Variants in AUH observed in about 807,000 individuals in gnomAD.
AUH encodes AU RNA binding methylglutaconyl-CoA hydratase.
AUH carries 29 observed loss-of-function variants against 42.3 expected under a neutral mutation model. The observed-to-expected ratio is 0.69, with a 90% CI of 0.51 to 0.93. The LOEUF is 0.93. AUH is among the 40% of genes least tolerant of loss of function. The pLI, the probability that AUH is intolerant of heterozygous loss-of-function variation, is 0.00. For missense variants in AUH, 452 were observed against 438.1 expected, an observed-to-expected ratio of 1.03 and a Z score of -0.28; for synonymous variants, 174 against 166.4, an observed-to-expected ratio of 1.05 and a Z score of -0.35.
rs187298084 is a variant in AUH at position 91,333,312 on chromosome 9, G to A, written c.419-7908C>T. ...TTTTCCTGATATAACTGGTATTTGT[G>A]CTTTAAAATATTTTATTTGTCATTC... On this transcript the variant is annotated intron_variant, in intron 3 of 9. Transcript: ENST00000375731. 1.6e-4 allele frequency among the ~76,000 whole-genome samples: 24 copies of A among 151,444 alleles called. No individual in the cohort carries two copies. The East Asian group carries it at 3.5e-3, about 22-fold the overall frequency.
At chr9:91,246,423 G>A (rs1257553759) in intron 6 of AUH, among the ~76,000 whole-genome samples, 1 of 152,152 alleles carries the variant, frequency 6.6e-6, no homozygotes, top group Non-Finnish European at 1.5e-5. Context: ...TAAAGACACC[G>A]TCTTTTATTT....
At chr9:91,243,816 T>C (rs975498219) in intron 6 of AUH, among the ~76,000 whole-genome samples, 18 of 152,180 alleles carry the variant, frequency 1.2e-4, no homozygotes, top group African/African-American at 4.1e-4. Flanking sequence ...AGCAGGATAT[T>C]TGACTATAAC....
intron 4 of AUH, among the ~76,000 whole-genome samples, chr9:91,303,925 G>A (rs1828015527): frequency 6.6e-6 from 1 of 152,166 alleles, no homozygotes; most frequent in African/African-American, 2.4e-5. Flanking sequence ...CCTGCAGGCT[G>A]GCTGGGCTGT....
intron 4 of AUH, among the ~76,000 whole-genome samples, chr9:91,322,052 C>A (rs75683311): frequency 6.6e-6 from 1 of 152,208 alleles, no homozygotes; most frequent in East Asian, 1.9e-4. Flanking sequence ...TTCAAAATGT[C>A]TGGAATCATC....
At chr9:91,255,122 A>G (rs1829340469) in intron 6 of AUH, among the ~76,000 whole-genome samples, 1 of 152,248 alleles carries the variant, frequency 6.6e-6, no homozygotes, top group Non-Finnish European at 1.5e-5. Context: ...GGAATTGTAG[A>G]CTTCTAATAA....
chr9:91,253,304 T>G (rs1466161865), intron 6 of AUH, among the ~76,000 whole-genome samples: 2 of 152,224 alleles, frequency 1.3e-5, no homozygotes, highest in Non-Finnish European at 2.9e-5. Context: ...CTCTGGAAAT[T>G]TATCAGATAC....
chr9:91,222,925 C>T (rs982977288), intron 6 of AUH, among the ~76,000 whole-genome samples: 1 of 152,098 alleles, frequency 6.6e-6, no homozygotes, highest in Non-Finnish European at 1.5e-5. Context: ...TTTCCAAGTC[C>T]CGGAAGCTCA....
chr9:91,257,906 C>T (rs964681371), intron 6 of AUH, among the ~76,000 whole-genome samples: 1 of 152,192 alleles, frequency 6.6e-6, no homozygotes, highest in Non-Finnish European at 1.5e-5. Context: ...ATTATGTCTC[C>T]ATTTAAGTCT....
chr9:91,298,202 T>C, intron 4 of AUH, 126 bp from the exon 5 acceptor site: 1 of 707,232 alleles, frequency 1.4e-6, no homozygotes, highest in Non-Finnish European at 2.5e-6. Flanking sequence ...TTTGTATCCC[T>C]TTTACCTTTA....
intron 6 of AUH, among the ~76,000 whole-genome samples, chr9:91,282,885 A>G (rs1826086178): frequency 6.6e-6 from 1 of 152,182 alleles, no homozygotes; most frequent in Non-Finnish European, 1.5e-5. Flanking sequence ...CCAAAGGTAC[A>G]AGGAGGAGCG....
chr9:91,347,916 TA>T (rs200200059), intron 3 of AUH, among the ~76,000 whole-genome samples: 9 of 151,360 alleles, frequency 5.9e-5, no homozygotes, highest in South Asian at 2.1e-4. Flanking sequence ...TAAAGTATAA[TA>T]AAAAAAAGAA....
At chr9:91,237,437 C>T (rs1408509665) in intron 6 of AUH, among the ~76,000 whole-genome samples, 2 of 152,190 alleles carry the variant, frequency 1.3e-5, no homozygotes, top group Non-Finnish European at 2.9e-5. Flanking sequence ...AAATGGATAT[C>T]TTTGTTTCTT....
intron 6 of AUH, among the ~76,000 whole-genome samples, chr9:91,221,571 C>T (rs1003258604): frequency 3.9e-5 from 6 of 152,134 alleles, no homozygotes; most frequent in Admixed American, 3.9e-4. Flanking sequence ...GCTCTTCTCT[C>T]GGAGACGCTC....
chr9:91,327,951 G>A (rs1462796211), intron 3 of AUH, among the ~76,000 whole-genome samples: 1 of 152,198 alleles, frequency 6.6e-6, no homozygotes, highest in Non-Finnish European at 1.5e-5. Context: ...CTCAAGCTGA[G>A]TGTGGAGGTG....
At chr9:91,360,890 C>A (rs943085499) in intron 1 of AUH, among the ~76,000 whole-genome samples, 4 of 152,210 alleles carry the variant, frequency 2.6e-5, no homozygotes, top group Admixed American at 2.6e-4. Flanking sequence ...TTCCACCCTT[C>A]ACGACCCTTT....
At chr9:91,279,353 T>G (rs1230619778) in intron 6 of AUH, among the ~76,000 whole-genome samples, 1 of 152,150 alleles carries the variant, frequency 6.6e-6, no homozygotes, top group African/African-American at 2.4e-5. Flanking sequence ...TCTAAAGAAA[T>G]ACAGTTCAGT....
chr9:91,217,992 A>T (rs1238153496), intron 7 of AUH, among the ~76,000 whole-genome samples: 2 of 152,190 alleles, frequency 1.3e-5, no homozygotes, highest in Non-Finnish European at 2.9e-5. Context: ...GAAAAACCAG[A>T]ATCCCTCAGA....
At chr9:91,305,294 T>G (rs1216417533) in intron 4 of AUH, among the ~76,000 whole-genome samples, 1 of 152,210 alleles carries the variant, frequency 6.6e-6, no homozygotes, top group Non-Finnish European at 1.5e-5. Context: ...GAGCTTATTC[T>G]CTACTTTATT....
At chr9:91,219,037 G>A (rs1587616913) in intron 7 of AUH, 1 of 985,282 alleles carries the variant, frequency 1.0e-6, no homozygotes, top group East Asian at 1.1e-4. Context: ...ACATGCACAG[G>A]GACTGTGATG....
Sources: gnomAD v4.1 joint callset for allele counts (sites outside exome capture counted in the v4.1 genomes callset) on GRCh38, gnomAD v4.1.1 for gene constraint, MANE v1.5 for transcripts, NCBI Gene and HGNC (gene_info 2026-07-23, HGNC 2026-07-21) for gene names.